NR3C2: variants seen among roughly 807,000 people sequenced by gnomAD.
NR3C2 encodes the protein nuclear receptor subfamily 3 group C member 2.
A neutral mutation model predicts 86.4 loss-of-function variants in NR3C2; 15 were observed. The ratio of observed to expected loss-of-function variants is 0.17; its 90% CI spans 0.12 to 0.27. NR3C2 has a LOEUF of 0.27. Ranked by LOEUF, NR3C2 falls within the 10% of genes least tolerant of loss-of-function variation. The pLI, the probability that NR3C2 is intolerant of heterozygous loss-of-function variation, is 1.00. For synonymous variants in NR3C2, 458 were observed against 450.5 expected (o/e 1.02, Z -0.21); for missense variants, 960 against 1,195.6 (o/e 0.80, Z 2.91).
At chr4:148,127,798 A>G (rs1325291020) in intron 6 of NR3C2, among the ~76,000 whole-genome samples, 1 of 152,230 alleles carries the variant, frequency 6.6e-6, no homozygotes, top group Non-Finnish European at 1.5e-5. Context: ...ACACTTCAAT[A>G]GTTTTGTAAA....
chr4:148,204,138 A>G (rs945995153), intron 3 of NR3C2, among the ~76,000 whole-genome samples: 17 of 152,170 alleles, frequency 1.1e-4, no homozygotes, highest in African/African-American at 3.9e-4. Flanking sequence ...TTTTATGTAT[A>G]TTTTAGTAAA....
intron 2 of NR3C2, among the ~76,000 whole-genome samples, chr4:148,285,768 C>T (rs901416325): frequency 1.3e-5 from 2 of 152,140 alleles, no homozygotes; most frequent in African/African-American, 4.8e-5. Context: ...GCAACTGCTT[C>T]CCTGTCTTGT....
At chr4:148,323,903 C>T (rs112387336) in intron 2 of NR3C2, among the ~76,000 whole-genome samples, 73 of 152,084 alleles carry the variant, frequency 4.8e-4, no homozygotes, top group African/African-American at 1.6e-3. Flanking sequence ...TGGCTCCTCC[C>T]CTCTATCTCA....
Position 148,079,046 on chromosome 4 carries a change from C to CAAAG in NR3C2, c.*2294_*2297dup, listed in dbSNP as rs780223633. Reference sequence around the variant, plus strand: ...TCAAGCAAAGTTACCTGGAGACACACAAAGAGCCAGTAACTTTGTTAATAC... The same window carrying CAAAG: ...TCAAGCAAAGTTACCTGGAGACACACAAAGAAAGAGCCAGTAACTTTGTTAATAC... On this transcript the variant is annotated 3_prime_UTR_variant, in exon 9 of 9. Transcript: ENST00000358102. 9 of 152,600 alleles carry CAAAG rather than the reference C, an allele frequency of 5.9e-5. No individual in the cohort carries two copies. Among genetic ancestry groups the CAAAG allele is most frequent in the African/African-American group, 1.7e-4 (7 of 41,444 alleles). The allele number at this position is 152,600 out of a possible 1,614,324, so 9.5% of individuals were successfully genotyped here. A position where few individuals can be genotyped will look rare whatever the true frequency, so the allele number is the denominator to read the frequency against.
At position 148,155,020 on chromosome 4, in the gene NR3C2, C is replaced by T. The variant is rs1301240594; in HGVS notation, c.2015-119G>A. On this transcript the variant is annotated intron_variant, in intron 4 of 8. Coordinates refer to ENST00000358102, the MANE Select transcript of NR3C2 (RefSeq NM_000901.5). ...TCTTGTTATGTCAATAGGAACATGA[C>T]CGTTTATTCCACTAAGAGAAAATAT... 5.0e-6 allele frequency: 4 copies of T among 803,434 alleles called. No individual in the cohort carries two copies. The African/African-American group carries it at 5.1e-5, about 10-fold the overall frequency. The allele number at this position is 803,434 out of a possible 1,614,324, so 49.8% of individuals were successfully genotyped here. A position where few individuals can be genotyped will look rare whatever the true frequency, so the allele number is the denominator to read the frequency against.
intron 2 of NR3C2, among the ~76,000 whole-genome samples, chr4:148,400,805 A>T (rs1748122895): frequency 7.0e-6 from 1 of 143,370 alleles, no homozygotes. Flanking sequence ...AAAAAAAAAG[A>T]GAGAGACTGC....
At chr4:148,186,986 G>GTATATATATATA (rs1735928559) in intron 4 of NR3C2, among the ~76,000 whole-genome samples, 1 of 101,318 alleles carries the variant, frequency 9.9e-6, no homozygotes. Context: ...ATACTGATGT[G>GTATATATATATA]TGTATGTATG....
At chr4:148,087,465 G>GGAGGA (rs1214816442) in intron 8 of NR3C2, among the ~76,000 whole-genome samples, 1 of 152,122 alleles carries the variant, frequency 6.6e-6, no homozygotes, top group Admixed American at 6.5e-5. Flanking sequence ...AAACAAAGCT[G>GGAGGA]GAGGCATCAT....
At chr4:148,140,203 C>T (rs1021549026) in intron 6 of NR3C2, among the ~76,000 whole-genome samples, 1 of 152,076 alleles carries the variant, frequency 6.6e-6, no homozygotes, top group African/African-American at 2.4e-5. Context: ...ACCAAATTTT[C>T]AATAAAGAAA....
intron 8 of NR3C2, among the ~76,000 whole-genome samples, chr4:148,103,973 A>G (rs951177906): frequency 3.3e-5 from 5 of 152,192 alleles, no homozygotes; most frequent in Admixed American, 6.5e-5. Context: ...ATTATTAATT[A>G]TATTTGTTGC....
intron 3 of NR3C2, among the ~76,000 whole-genome samples, chr4:148,255,232 A>G (rs1739775040): frequency 6.6e-6 from 1 of 152,204 alleles, no homozygotes; most frequent in African/African-American, 2.4e-5. Flanking sequence ...ATTAATTTTA[A>G]AGAACCAAAG....
intron 2 of NR3C2, among the ~76,000 whole-genome samples, chr4:148,317,928 GGTTA>G (rs1743295426): frequency 6.6e-6 from 1 of 150,582 alleles, no homozygotes; most frequent in Admixed American, 6.6e-5. Context: ...ACATTCTGCA[GGTTA>G]GTTACATATG....
chr4:148,304,792 C>T (rs938693718), intron 2 of NR3C2, among the ~76,000 whole-genome samples: 1 of 152,012 alleles, frequency 6.6e-6, no homozygotes, highest in Non-Finnish European at 1.5e-5. Flanking sequence ...GGTGGAGCCA[C>T]TGGGAATTCT....
At chr4:148,198,392 A>T (rs79605609) in intron 3 of NR3C2, among the ~76,000 whole-genome samples, 5,720 of 152,294 alleles carry the variant, frequency 0.038, 155 homozygotes, top group Non-Finnish European at 0.058. Flanking sequence ...AACTGAGAAA[A>T]TACAGATTAT....
chr4:148,125,784 GAAGGA>G (rs1265666383), intron 6 of NR3C2, among the ~76,000 whole-genome samples: 3 of 151,926 alleles, frequency 2.0e-5, no homozygotes. Context: ...ATGATAGAGA[GAAGGA>G]AAGGAAAAAA....
At chr4:148,133,252 C>T (rs1244986664) in intron 6 of NR3C2, among the ~76,000 whole-genome samples, 30 of 151,220 alleles carry the variant, frequency 2.0e-4, no homozygotes, top group South Asian at 1.5e-3. Flanking sequence ...TCTCAAGCCT[C>T]GTATTTGTAG....
At chr4:148,267,082 A>G (rs72950148) in intron 2 of NR3C2, among the ~76,000 whole-genome samples, 2,264 of 152,258 alleles carry the variant, frequency 0.015, 48 homozygotes, top group African/African-American at 0.051. Flanking sequence ...TAGGAGCCAT[A>G]TATGTCAGGT....
chr4:148,091,563 T>C (rs1408137582), intron 8 of NR3C2, among the ~76,000 whole-genome samples: 3 of 152,246 alleles, frequency 2.0e-5, no homozygotes, highest in African/African-American at 7.2e-5. Context: ...GCATGGATAC[T>C]GACCAGCCAG....
chr4:148,148,133 G>T (rs1333883261), intron 6 of NR3C2, among the ~76,000 whole-genome samples: 3 of 99,346 alleles, frequency 3.0e-5, no homozygotes, highest in African/African-American at 6.0e-5. Context: ...CTGGTCCCAG[G>T]CTCTCCCTTC....
Sources: gnomAD v4.1 joint callset for allele counts (sites outside exome capture counted in the v4.1 genomes callset) on GRCh38, gnomAD v4.1.1 for gene constraint, MANE v1.5 for transcripts, NCBI Gene and HGNC (gene_info 2026-07-23, HGNC 2026-07-21) for gene names.